Variants in HIPK2 observed in about 807,000 individuals in gnomAD.
HIPK2 encodes the protein homeodomain-interacting protein kinase 2.
A neutral mutation model predicts 113.7 loss-of-function variants in HIPK2; 27 were observed. The ratio of observed to expected loss-of-function variants is 0.24; its 90% confidence interval spans 0.17 to 0.33. The LOEUF is 0.33. HIPK2 is among the 10% of genes least tolerant of loss of function. HIPK2 has a pLI of 1.00. For missense variants in HIPK2, 1,257 were observed against 1,588.0 expected (o/e 0.79, Z 3.54); for synonymous variants, 631 against 642.2 (o/e 0.98, Z 0.26).
chr7:139,600,599 G>A lies in HIPK2; in HGVS notation c.2256-3C>T. 17 of 1,613,568 alleles carry A rather than the reference G, an allele frequency of 1.1e-5. No individual in the cohort carries two copies. The highest frequency in any genetic ancestry group is 1.4e-5 in the Non-Finnish European group (16 of 1,179,536). On this transcript the variant is annotated splice_polypyrimidine_tract_variant and splice_region_variant and intron_variant, in intron 10 of 14. Coordinates refer to ENST00000406875, the MANE Select transcript of HIPK2 (RefSeq NM_022740.5). Reference sequence around the variant, plus strand: ...GGCTTCCGTGAGCATGCGTATTTCTGAAAGGCAACCGGGACAACAAGGTGC... The same window carrying A: ...GGCTTCCGTGAGCATGCGTATTTCTAAAAGGCAACCGGGACAACAAGGTGC...
At chr7:139,709,495 T>C (rs1303982093) in intron 2 of HIPK2, among the ~76,000 whole-genome samples, 2 of 152,240 alleles carry the variant, frequency 1.3e-5, no homozygotes, top group African/African-American at 2.4e-5. Context: ...CATTTTAGAA[T>C]ATGCTCTGTT....
In HIPK2 at chr7:139,563,994, T is replaced by C. The variant is rs1043500990; in HGVS notation, c.*8933A>G. The C allele has an allele frequency of 1.0e-5, 4 of 398,586 alleles. No individual in the cohort carries two copies. The highest frequency in any genetic ancestry group is 6.2e-5 in the African/African-American group (3 of 48,732). The allele number at this position is 398,586 out of a possible 1,614,324, so 24.7% of individuals were successfully genotyped here. A position where few individuals can be genotyped will look rare whatever the true frequency, so the allele number is the denominator to read the frequency against. On this transcript the variant is annotated 3_prime_UTR_variant, in exon 15 of 15. Coordinates refer to ENST00000406875, the MANE Select transcript of HIPK2 (RefSeq NM_022740.5). ...TGGGGCCCATTCCTGTCTCGAAGCA[T>C]CTTCTTGTTCCAAATATGATGTCTG...
intron 2 of HIPK2, among the ~76,000 whole-genome samples, chr7:139,663,327 TC>T (rs1801930979): frequency 6.6e-6 from 1 of 152,186 alleles, no homozygotes; most frequent in African/African-American, 2.4e-5. Context: ...TCAGCTTTCT[TC>T]CTAACTAGGA....
At chr7:139,587,807 G>T (rs1384023066) in intron 12 of HIPK2, among the ~76,000 whole-genome samples, 3 of 152,090 alleles carry the variant, frequency 2.0e-5, no homozygotes. Context: ...GAGCCCAGGA[G>T]TTTGAGGCTG....
At chr7:139,743,325 G>A (rs1004909228) in intron 1 of HIPK2, among the ~76,000 whole-genome samples, 19 of 152,332 alleles carry the variant, frequency 1.2e-4, no homozygotes, top group Non-Finnish European at 2.4e-4. Flanking sequence ...AGAGAAGAAT[G>A]TCCAGGTCAA....
chr7:139,761,651 A>G (rs949656884), intron 1 of HIPK2, among the ~76,000 whole-genome samples: 2 of 152,216 alleles, frequency 1.3e-5, no homozygotes, highest in African/African-American at 4.8e-5. Context: ...ACTGTGCTGG[A>G]TTAAGAGACT....
At chr7:139,771,266 C>G (rs1569486416) in intron 1 of HIPK2, among the ~76,000 whole-genome samples, 1 of 152,026 alleles carries the variant, frequency 6.6e-6, no homozygotes, top group Non-Finnish European at 1.5e-5. Flanking sequence ...GCTCTTCTTT[C>G]AAGTGTAGTT....
chr7:139,739,385 A>G (rs904404775), intron 1 of HIPK2, among the ~76,000 whole-genome samples: 21 of 152,108 alleles, frequency 1.4e-4, no homozygotes, highest in Non-Finnish European at 2.8e-4. Context: ...CCAGGAGTTC[A>G]AGACCAGCCT....
At chr7:139,731,832 T>C (rs1484089767) in intron 1 of HIPK2, among the ~76,000 whole-genome samples, 1 of 152,208 alleles carries the variant, frequency 6.6e-6, no homozygotes, top group Non-Finnish European at 1.5e-5. Flanking sequence ...AGGAGCTCCA[T>C]GTTACAACTG....
chr7:139,564,261 G>GGTA lies in HIPK2; in HGVS notation c.*8663_*8665dup, dbSNP rs1358431326. ...CCCAGCCAGCGACCATGGGAATAGG[G>GGTA]GTATATGGTCCTCCCCTACAAAACG... is the stretch of plus-strand genomic sequence containing the variant. On this transcript the variant is annotated 3_prime_UTR_variant, in exon 15 of 15. Transcript: ENST00000406875. 4.0e-6 allele frequency: 1 copy of GGTA among 247,762 alleles called. No individual in the cohort carries two copies. The highest frequency in any genetic ancestry group is 7.6e-6 in the Non-Finnish European group (1 of 131,054). 15.3% of individuals were successfully genotyped at this position (247,762 alleles called of 1,614,324 possible). A position where few individuals can be genotyped will look rare whatever the true frequency, so the allele number is the denominator to read the frequency against.
At chr7:139,766,117 A>T (rs1227943905) in intron 1 of HIPK2, among the ~76,000 whole-genome samples, 1 of 152,108 alleles carries the variant, frequency 6.6e-6, no homozygotes, top group Non-Finnish European at 1.5e-5. Context: ...TCAGCTCTGG[A>T]CTCAGACTGC....
intron 1 of HIPK2, among the ~76,000 whole-genome samples, chr7:139,758,509 G>A (rs1033209654): frequency 4.6e-5 from 7 of 152,146 alleles, no homozygotes; most frequent in Non-Finnish European, 1.0e-4. Context: ...CCGCAGACTA[G>A]TACCAGTTCT....
chr7:139,626,769 T>C lies in HIPK2; in HGVS notation c.1451A>G (p.Asp484Gly). The change falls in exon 6 of 15, where the codon GAT (aspartate) becomes GGT (glycine). Residue 484 changes from aspartate to glycine, a missense_variant. This residue lies in a region of HIPK2 where 862 missense variants were observed against 1,004.3 expected (regional missense o/e 0.86). Coordinates refer to ENST00000406875, the MANE Select transcript of HIPK2 (RefSeq NM_022740.5). Reference sequence around the variant, plus strand: ...TACCAACATGTCGCTCCCTTCCAAATCTGTCGTCATGTTCACCTGGACGCA... The same window carrying C: ...TACCAACATGTCGCTCCCTTCCAAACCTGTCGTCATGTTCACCTGGACGCA... ...DDMAQVNMTT[D>G]LEGSDMLVEK... The C allele has an allele frequency of 1.2e-6, 2 of 1,613,984 alleles. No homozygotes were observed. Among genetic ancestry groups the C allele is most frequent in the Non-Finnish European group, 1.7e-6 (2 of 1,179,882 alleles).
chr7:139,567,395 T>C lies in HIPK2; in HGVS notation c.*5532A>G, dbSNP rs572207995. The C allele has an allele frequency of 1.0e-5, 1 of 98,930 alleles. No individual in the cohort carries two copies. Among genetic ancestry groups the C allele is most frequent in the African/African-American group, 6.5e-5 (1 of 15,466 alleles). 6.1% of individuals were successfully genotyped at this position (98,930 alleles called of 1,614,324 possible). Reference sequence around the variant, plus strand: ...ATAGCACAGTTTTGAAATAAATGCATTTTTTTTTTTTAAAAAAAAGGACAG... The same window carrying C: ...ATAGCACAGTTTTGAAATAAATGCACTTTTTTTTTTTAAAAAAAAGGACAG... On this transcript the variant is annotated 3_prime_UTR_variant, in exon 15 of 15. Coordinates refer to ENST00000406875, the MANE Select transcript of HIPK2 (RefSeq NM_022740.5).
In HIPK2 at chr7:139,572,792, C is replaced by CCCCA; in HGVS notation, c.*134_*135insTGGG. 1 of 183,674 alleles carries CCCCA rather than the reference C, an allele frequency of 5.4e-6. No individual in the cohort carries two copies. The highest frequency in any genetic ancestry group is 1.0e-5 in the Non-Finnish European group (1 of 97,446). 11.4% of individuals were successfully genotyped at this position (183,674 alleles called of 1,614,324 possible). A position where few individuals can be genotyped will look rare whatever the true frequency, so the allele number is the denominator to read the frequency against. On this transcript the variant is annotated 3_prime_UTR_variant, in exon 15 of 15. Transcript: ENST00000406875. ...CCCCCCCCCCCCCCCGCCCCTGCCCCGTTTGCATTGTTTGTGTGCGGCATC... is the reference window on the plus strand; with the variant it reads ...CCCCCCCCCCCCCCCGCCCCTGCCCCCCCAGTTTGCATTGTTTGTGTGCGGCATC...
chr7:139,676,240 GT>G (rs1802491787), intron 2 of HIPK2, among the ~76,000 whole-genome samples: 1 of 152,174 alleles, frequency 6.6e-6, no homozygotes. Context: ...GAGACCACAG[GT>G]ACATGAATGG....
chr7:139,670,432 TA>T (rs34161299), intron 2 of HIPK2, among the ~76,000 whole-genome samples: 8 of 148,784 alleles, frequency 5.4e-5, no homozygotes, highest in South Asian at 2.1e-4. Context: ...AAAAATCAGT[TA>T]AAAAAAAAAA....
At chr7:139,723,215 CAG>C (rs1200825465) in intron 1 of HIPK2, among the ~76,000 whole-genome samples, 2 of 132,264 alleles carry the variant, frequency 1.5e-5, no homozygotes, top group African/African-American at 3.0e-5. Flanking sequence ...TTTTTTGAGA[CAG>C]AGTTTCACTC....
chr7:139,720,075 T>A (rs965066596), intron 1 of HIPK2, among the ~76,000 whole-genome samples: 3 of 152,240 alleles, frequency 2.0e-5, no homozygotes, highest in African/African-American at 7.2e-5. Flanking sequence ...CCTGGGTCCT[T>A]AACTTGAATG....
Sources: allele counts gnomAD v4.1 joint callset (sites outside exome capture counted in the v4.1 genomes callset), GRCh38; gene constraint gnomAD v4.1.1; regional missense constraint gnomAD v4.1.1; transcripts MANE v1.5; gene names NCBI Gene and HGNC (gene_info 2026-07-23, HGNC 2026-07-21).